RAP1GAP: variants seen among roughly 807,000 people sequenced by gnomAD.
RAP1GAP encodes RAP1 GTPase activating protein.
A neutral mutation model predicts 87.2 loss-of-function variants in RAP1GAP; 35 were observed. That is an observed-to-expected ratio of 0.40 (90% confidence interval 0.31 to 0.53). The LOEUF is 0.53. Ranked by LOEUF, RAP1GAP falls within the 20% of genes least tolerant of loss-of-function variation. The pLI is 0.48. For synonymous variants in RAP1GAP, 375 were observed against 363.9 expected (o/e 1.03, Z -0.35); for missense variants, 734 against 898.9 (o/e 0.82, Z 2.35).
At chr1:21,654,571 A>G (rs1300328126) in intron 1 of RAP1GAP, among the ~76,000 whole-genome samples, 4 of 152,224 alleles carry the variant, frequency 2.6e-5, no homozygotes, top group Non-Finnish European at 5.9e-5. Flanking sequence ...GGTGGCTCAC[A>G]TCTGTAATCC....
intron 2 of RAP1GAP, among the ~76,000 whole-genome samples, chr1:21,636,445 G>C (rs1293218165): frequency 6.6e-6 from 1 of 152,226 alleles, no homozygotes; most frequent in Non-Finnish European, 1.5e-5. Context: ...CCTGAGGACT[G>C]AGACAAGACT....
At chr1:21,604,343 C>CA (rs3835550) in intron 18 of RAP1GAP, among the ~76,000 whole-genome samples, 62,441 of 150,382 alleles carry the variant, frequency 0.42, 13,140 homozygotes, top group Non-Finnish European at 0.47. Flanking sequence ...GGAGAGGGAG[C>CA]AAAAAAGACA....
chr1:21,654,118 TG>T (rs2096764553), intron 1 of RAP1GAP, among the ~76,000 whole-genome samples: 1 of 73,870 alleles, frequency 1.4e-5, no homozygotes, highest in African/African-American at 5.3e-5. Context: ...GGGTGGTTAG[TG>T]GGGGGTCACG....
chr1:21,624,908 G>A (rs1272986042), intron 3 of RAP1GAP, among the ~76,000 whole-genome samples: 1 of 152,200 alleles, frequency 6.6e-6, no homozygotes, highest in African/African-American at 2.4e-5. Context: ...TGTGGTCCGA[G>A]GGCATACAGC....
intron 1 of RAP1GAP, among the ~76,000 whole-genome samples, chr1:21,662,013 G>A (rs2152352284): frequency 6.6e-6 from 1 of 152,324 alleles, no homozygotes; most frequent in East Asian, 1.9e-4. Flanking sequence ...TGACAGGGAG[G>A]AGGCAGGCAT....
intron 1 of RAP1GAP, chr1:21,651,849 C>T: frequency 8.9e-7 from 1 of 1,118,750 alleles, no homozygotes; most frequent in Non-Finnish European, 1.1e-6. Context: ...CCCGGCCCGG[C>T]CCGCGCGAGC....
At chr1:21,600,514 C>T (rs2067257387) in intron 20 of RAP1GAP, among the ~76,000 whole-genome samples, 1 of 152,194 alleles carries the variant, frequency 6.6e-6, no homozygotes, top group Non-Finnish European at 1.5e-5. Flanking sequence ...CTTTGTACAG[C>T]AACCGAAGTC....
At chr1:21,625,444 CT>C (rs1177815240) in intron 3 of RAP1GAP, among the ~76,000 whole-genome samples, 1 of 152,190 alleles carries the variant, frequency 6.6e-6, no homozygotes, top group Non-Finnish European at 1.5e-5. Flanking sequence ...CTTGTCACCC[CT>C]GCATCAGAGA....
rs1042611480 is a variant in RAP1GAP at position 21,601,725 on chromosome 1, T to C, written c.1611A>G (p.Ser537=). The change falls in exon 20 of 25, where the codon TCA becomes TCG. Residue 537 remains serine (S), a synonymous_variant. Transcript: ENST00000374765. ...HVSQEPKSEN[S]STQSSPEMPT... is the part of the protein sequence containing the mutation. Reference sequence around the variant, plus strand: ...GCATCTCTGGGGAGCTCTGAGTGGATGAGTTCTCCGACTTGGGCTCCTGTG... The same window carrying C: ...GCATCTCTGGGGAGCTCTGAGTGGACGAGTTCTCCGACTTGGGCTCCTGTG... 6.2e-7 allele frequency: 1 copy of C among 1,612,440 alleles called. No homozygotes were observed. Among genetic ancestry groups the C allele is most frequent in the Non-Finnish European group, 8.5e-7 (1 of 1,178,936 alleles).
At chr1:21,616,136 AACACACACACACACACACACACAC>A (rs58644324) in intron 7 of RAP1GAP, among the ~76,000 whole-genome samples, 2,517 of 126,888 alleles carry the variant, frequency 0.02, 46 homozygotes, top group South Asian at 0.032. Context: ...CCCTCTTCCC[AACACACACACACACACACACACAC>A]ACACACACAC....
At chr1:21,667,865 A>C (rs1410093964) in intron 1 of RAP1GAP, among the ~76,000 whole-genome samples, 3 of 152,154 alleles carry the variant, frequency 2.0e-5, no homozygotes, top group Non-Finnish European at 4.4e-5. Context: ...AGGATTAATC[A>C]TTACCCTGGA....
intron 18 of RAP1GAP, 43 bp downstream of exon 18, chr1:21,606,023 C>G (rs1246739692): frequency 1.7e-5 from 26 of 1,546,152 alleles, no homozygotes; most frequent in Non-Finnish European, 2.2e-5. Context: ...GCTGAGGGCC[C>G]CCCAGGGAGG....
At chr1:21,665,403 A>C (rs2097307758) in intron 1 of RAP1GAP, 2 of 346,168 alleles carry the variant, frequency 5.8e-6, no homozygotes, top group South Asian at 4.4e-5. Flanking sequence ...GGACCACAGG[A>C]CCCAGCTCAT....
intron 2 of RAP1GAP, among the ~76,000 whole-genome samples, chr1:21,639,805 CACCGGGTGT>C (rs2095335897): frequency 6.6e-6 from 1 of 152,196 alleles, no homozygotes; most frequent in East Asian, 1.9e-4. Flanking sequence ...TGGGAGTCGG[CACCGGGTGT>C]TCCGCAGCTC....
chr1:21,658,071 C>A (rs2096935240), intron 1 of RAP1GAP, among the ~76,000 whole-genome samples: 1 of 152,190 alleles, frequency 6.6e-6, no homozygotes, highest in South Asian at 2.1e-4. Context: ...AGTCCCACTT[C>A]AGGAGATTTG....
Position 21,650,074 on chromosome 1 carries a change from G to C in RAP1GAP, c.-148-278C>G, listed in dbSNP as rs568932997. Among the ~76,000 whole-genome samples the C allele has an allele frequency of 4.6e-5, 7 of 151,922 alleles. No individual in the cohort carries two copies. The South Asian group carries it at 1.0e-3, about 23-fold the overall frequency. On this transcript the variant is annotated intron_variant, in intron 1 of 24. Transcript: ENST00000374765. ...AGGGCTGTGGGGTGTTAGCAGGGGT[G>C]GGGGGACAGGTGGAGTAGGACAGTG...
At position 21,613,031 on chromosome 1, in the gene RAP1GAP, C is replaced by T. The variant is rs2079409994; in HGVS notation, c.528+145G>A. The T allele has an allele frequency of 2.2e-6, 2 of 921,498 alleles. No homozygotes were observed. The highest frequency in any genetic ancestry group is 3.4e-6 in the Non-Finnish European group (2 of 583,118). The allele number at this position is 921,498 out of a possible 1,614,324, so 57.1% of individuals were successfully genotyped here. ...GGCCCTTTCGGTGGCTCCTCTTCTG[C>T]AAATTGTGGACTTCACAGGGTTATT... On this transcript the variant is annotated intron_variant, in intron 10 of 24. Transcript: ENST00000374765. The surrounding 1 kb of genome is among the most constrained non-coding windows in gnomAD (Gnocchi z 4.7).
In RAP1GAP at chr1:21,603,633, G is replaced by A. The variant is rs1449603649; in HGVS notation, c.1429-720C>T. 4.0e-6 allele frequency: 3 copies of A among 748,824 alleles called. No homozygotes were observed. The highest frequency in any genetic ancestry group is 7.3e-6 in the Non-Finnish European group (3 of 412,212). 46.4% of individuals were successfully genotyped at this position (748,824 alleles called of 1,614,324 possible). A position where few individuals can be genotyped will look rare whatever the true frequency, so the allele number is the denominator to read the frequency against. ...AGGCAGGGCCAGAAGCCCCTGGTGA[G>A]GGGCACTGGCTCTGGCACAGGTACC... On this transcript the variant is annotated intron_variant, in intron 18 of 24. Coordinates refer to ENST00000374765, the MANE Select transcript of RAP1GAP (RefSeq NM_002885.4). This position sits in a 1 kb window ranked among gnomAD's most constrained non-coding sequence, Gnocchi z 6.0.
intron 1 of RAP1GAP, among the ~76,000 whole-genome samples, chr1:21,650,729 G>A (rs1420727015): frequency 2.0e-5 from 3 of 152,206 alleles, no homozygotes; most frequent in Non-Finnish European, 2.9e-5. Flanking sequence ...TGAGCTGCCC[G>A]TGTTGGCTGG....
Sources: allele counts gnomAD v4.1 joint callset (sites outside exome capture counted in the v4.1 genomes callset), GRCh38; gene constraint gnomAD v4.1.1; non-coding constraint Gnocchi (gnomAD v3.1); transcripts MANE v1.5; gene names NCBI Gene and HGNC (gene_info 2026-07-23, HGNC 2026-07-21).